The following ANKRD45 variants were observed in gnomAD, a reference collection of about 807,000 sequenced individuals.
The protein encoded by ANKRD45 is ankyrin repeat domain-containing protein 45.
Under a neutral mutation model 28.1 loss-of-function variants are expected in ANKRD45, and 21 were observed. The observed-to-expected ratio is 0.75, with a 90% CI of 0.53 to 1.08. The LOEUF is 1.08. ANKRD45 is among the 50% of genes least tolerant of loss of function. ANKRD45 has a pLI of 0.00. For synonymous variants in ANKRD45, 86 were observed against 103.9 expected, an observed-to-expected ratio of 0.83 and a Z score of 1.05; for missense variants, 261 against 308.7, an observed-to-expected ratio of 0.85 and a Z score of 1.16.
the ANKRD45 span, among the ~76,000 whole-genome samples, chr1:173,695,654 C>T: frequency 1.5e-4 from 23 of 152,226 alleles, no homozygotes; most frequent in Admixed American, 5.9e-4. Context: ...ACTAGTGCTG[C>T]GATAAGCATA....
chr1:173,681,477 C>A, the ANKRD45 span, among the ~76,000 whole-genome samples: 6 of 152,020 alleles, frequency 3.9e-5, no homozygotes, highest in African/African-American at 1.5e-4. Context: ...CCGATTAGAG[C>A]TCTTTTGTAT....
the ANKRD45 span, among the ~76,000 whole-genome samples, chr1:173,711,413 A>G: frequency 6.6e-6 from 1 of 152,220 alleles, no homozygotes; most frequent in Non-Finnish European, 1.5e-5. Flanking sequence ...AGGTGGGACA[A>G]CTCAAAGCAG....
chr1:173,688,331 T>C, the ANKRD45 span, among the ~76,000 whole-genome samples: 1 of 144,460 alleles, frequency 6.9e-6, no homozygotes, highest in Non-Finnish European at 1.5e-5. Context: ...TCTCTCTGAC[T>C]CCCTCTTTCT....
At chr1:173,616,707 A>T (rs1667481192) in intron 5 of ANKRD45, among the ~76,000 whole-genome samples, 1 of 152,224 alleles carries the variant, frequency 6.6e-6, no homozygotes, top group African/African-American at 2.4e-5. Flanking sequence ...TATAATACTG[A>T]AACTGCTTTT....
At chr1:173,703,816 G>A in the ANKRD45 span, among the ~76,000 whole-genome samples, 1 of 152,244 alleles carries the variant, frequency 6.6e-6, no homozygotes, top group South Asian at 2.1e-4. Context: ...CATAAGGCAA[G>A]CCCACGCAAC....
the ANKRD45 span, among the ~76,000 whole-genome samples, chr1:173,688,996 C>T: frequency 1.3e-5 from 2 of 152,088 alleles, no homozygotes; most frequent in Non-Finnish European, 2.9e-5. Context: ...GCGCCTGAAT[C>T]GACTAAAAAG....
chr1:173,682,684 TACACACACACACAC>T, the ANKRD45 span, among the ~76,000 whole-genome samples: 6 of 143,938 alleles, frequency 4.2e-5, no homozygotes, highest in East Asian at 2.0e-4. Flanking sequence ...GCCTTTTAAA[TACACACACACACAC>T]ACACACACAC....
upstream of ANKRD45, among the ~76,000 whole-genome samples, chr1:173,670,427 A>G (rs75146270): frequency 9.8e-5 from 15 of 152,358 alleles, no homozygotes; most frequent in African/African-American, 3.4e-4. Context: ...ATCAATGTTC[A>G]CATGAATCAC....
At chr1:173,706,156 A>G in the ANKRD45 span, among the ~76,000 whole-genome samples, 2 of 151,814 alleles carry the variant, frequency 1.3e-5, no homozygotes, top group African/African-American at 4.8e-5. Context: ...TACAAAAATT[A>G]GCTGGCATGG....
At chr1:173,683,768 G>A in the ANKRD45 span, among the ~76,000 whole-genome samples, 6 of 152,190 alleles carry the variant, frequency 3.9e-5, no homozygotes, top group African/African-American at 1.4e-4. Flanking sequence ...CGTGCCCAGG[G>A]CGGTGTTATA....
intron 2 of ANKRD45, among the ~76,000 whole-genome samples, chr1:173,647,838 T>A (rs1669008339): frequency 6.6e-6 from 1 of 152,204 alleles, no homozygotes; most frequent in Admixed American, 6.5e-5. Context: ...CAGTTTAGAG[T>A]GCAGTGGCAT....
At chr1:173,697,576 G>A in the ANKRD45 span, among the ~76,000 whole-genome samples, 5 of 152,282 alleles carry the variant, frequency 3.3e-5, no homozygotes, top group Admixed American at 2.0e-4. Flanking sequence ...AGCTTCATAA[G>A]TGAAGGAGAA....
chr1:173,628,987 CT>C (rs1372226264), intron 3 of ANKRD45, among the ~76,000 whole-genome samples: 1 of 152,220 alleles, frequency 6.6e-6, no homozygotes, highest in Non-Finnish European at 1.5e-5. Flanking sequence ...AAAAGAGTTT[CT>C]GCCTGATAAT....
Position 173,609,971 on chromosome 1 carries a change from C to T in ANKRD45, c.*174G>A, listed in dbSNP as rs1033204136. 83 of 639,314 alleles carry T rather than the reference C, an allele frequency of 1.3e-4. No homozygotes were observed. The highest frequency in any genetic ancestry group is 7.9e-4 in the South Asian group (39 of 49,262). The allele number at this position is 639,314 out of a possible 1,614,324, so 39.6% of individuals were successfully genotyped here. On this transcript the variant is annotated 3_prime_UTR_variant, in exon 6 of 6. Transcript: ENST00000333279. ...GGGGCTGTGCTTGGAGGAGCAGAGG[C>T]GAGGCCAGAGTCCGGACATAAGCAT...
intron 1 of ANKRD45, among the ~76,000 whole-genome samples, 154 bp from the exon 2 acceptor site, chr1:173,659,587 A>C (rs1017529167): frequency 1.3e-5 from 2 of 152,234 alleles, no homozygotes; most frequent in African/African-American, 4.8e-5. Flanking sequence ...CAATTCCATC[A>C]ATAAAGTTTA....
the ANKRD45 span, among the ~76,000 whole-genome samples, chr1:173,695,397 C>A: frequency 1.3e-5 from 2 of 152,070 alleles, no homozygotes; most frequent in Non-Finnish European, 2.9e-5. Context: ...TTGTTGCCAT[C>A]TTTATGTCCA....
rs754920924 is a variant in ANKRD45 at position 173,646,997 on chromosome 1, A to G, written c.345T>C (p.His115=). 8 of 1,614,096 alleles carry G rather than the reference A, an allele frequency of 5.0e-6. No individual in the cohort carries two copies. Among genetic ancestry groups the G allele is most frequent in the South Asian group, 1.1e-5 (1 of 91,072 alleles). The stretch of plus-strand genomic sequence containing the variant: ...CCAAACGACCCCAGGCTGCAGCACA[A>G]TGTAAGAGTGTGTACCCTAACAAAT... ...EKTTRGYTLL[H]CAAAWGRLET... Residue 115 remains histidine (H), a synonymous_variant, in exon 3 of 6, where the codon CAT becomes CAC. Coordinates refer to ENST00000333279, the MANE Select transcript of ANKRD45 (RefSeq NM_198493.3).
intron 3 of ANKRD45, chr1:173,636,756 A>T: frequency 1.9e-6 from 2 of 1,069,622 alleles, no homozygotes; most frequent in Non-Finnish European, 2.7e-6. Flanking sequence ...GAACTATATT[A>T]TTAACTATAC....
chr1:173,608,651 G>A lies in ANKRD45; in HGVS notation c.*1494C>T, dbSNP rs992578573. On this transcript the variant is annotated 3_prime_UTR_variant, in exon 6 of 6. Transcript: ENST00000333279. ...TTATTTTTTCAATTACCCAAGCATGGTGGGAGGATCACTTGAGTGCAGGAG... is the reference window on the plus strand; with the variant it reads ...TTATTTTTTCAATTACCCAAGCATGATGGGAGGATCACTTGAGTGCAGGAG... Among the ~76,000 whole-genome samples the A allele has an allele frequency of 2.0e-5, 3 of 151,210 alleles. No individual in the cohort carries two copies. The highest frequency in any genetic ancestry group is 4.4e-5 in the Non-Finnish European group (3 of 67,894).
Sources: gnomAD v4.1 joint callset for allele counts (sites outside exome capture counted in the v4.1 genomes callset) on GRCh38, gnomAD v4.1.1 for gene constraint, MANE v1.5 for transcripts, NCBI Gene and HGNC (gene_info 2026-07-23, HGNC 2026-07-21) for gene names.